Variants in DAPK1 observed in about 807,000 individuals in gnomAD.
The protein encoded by DAPK1 is death associated protein kinase 1.
A neutral mutation model predicts 144.9 loss-of-function variants in DAPK1; 56 were observed. That is an observed-to-expected ratio of 0.39 (90% CI 0.31 to 0.48). The LOEUF is 0.48. DAPK1 is among the 20% of genes least tolerant of loss of function. DAPK1 has a pLI of 0.95. For missense variants in DAPK1, 1,454 were observed against 1,875.4 expected, an observed-to-expected ratio of 0.78 and a Z score of 4.15; for synonymous variants, 690 against 749.0, an observed-to-expected ratio of 0.92 and a Z score of 1.29.
Position 87,515,393 on chromosome 9 carries a change from G to C in DAPK1, c.62+16254G>C, listed in dbSNP as rs561035006. Among the ~76,000 whole-genome samples the C allele has an allele frequency of 7.9e-5, 12 of 152,332 alleles. 1 individual carries two copies. The highest frequency in any genetic ancestry group is 2.9e-4 in the African/African-American group (12 of 41,576). ...TGATGAATAAACAAAGGCTTAAAGA[G>C]ATTAAATAATTTAATATGCTGAAAT... On this transcript the variant is annotated intron_variant, in intron 2 of 25. Transcript: ENST00000408954.
rs1049188707 is a variant in DAPK1, at chr9:87,497,957, G to A, written c.-259G>A. The A allele has an allele frequency of 2.5e-5, 10 of 396,852 alleles. No homozygotes were observed. The highest frequency in any genetic ancestry group is 4.4e-5 in the Non-Finnish European group (10 of 225,364). The allele number at this position is 396,852 out of a possible 1,614,324, so 24.6% of individuals were successfully genotyped here. A position where few individuals can be genotyped will look rare whatever the true frequency, so the allele number is the denominator to read the frequency against. On this transcript the variant is annotated 5_prime_UTR_variant, in exon 1 of 26. Transcript: ENST00000408954. ...GGGACTCGGCAACTCGCAGCGGCAGGGTCTGGGGCCGGCGCCTGGGAGGGA... is the reference window on the plus strand; with the variant it reads ...GGGACTCGGCAACTCGCAGCGGCAGAGTCTGGGGCCGGCGCCTGGGAGGGA...
chr9:87,606,524 TCCTTCCTTCCCCCCTC>T (rs1828721123), intron 3 of DAPK1, among the ~76,000 whole-genome samples: 1 of 97,600 alleles, frequency 1.0e-5, no homozygotes, highest in Admixed American at 1.0e-4. Context: ...CTTCCTTCCT[TCCTTCCTTCCCCCCTC>T]CCTCCCTCTC....
At position 87,703,031 on chromosome 9, in the gene DAPK1, C is replaced by T. The variant is rs779305769; in HGVS notation, c.2874C>T (p.Val958=). The change falls in exon 25 of 26, where the codon GTC becomes GTT. Residue 958 remains valine, a splice_region_variant and synonymous_variant. Transcript: ENST00000408954. ...CTGTCTGGCCCTGCCCCCTCTAGGT[C>T]TGTCCTCCCATGACTCACCTGTGTG... ...LQEIRSQIVS[V]CPPMTHLCEK... is the part of the protein sequence containing the mutation. 6.4e-7 allele frequency: 1 copy of T among 1,550,438 alleles called. No individual in the cohort carries two copies. Among genetic ancestry groups the T allele is most frequent in the South Asian group, 1.1e-5 (1 of 89,680 alleles).
intron 3 of DAPK1, among the ~76,000 whole-genome samples, chr9:87,605,955 C>A (rs576951001): frequency 6.6e-6 from 1 of 152,210 alleles, no homozygotes; most frequent in South Asian, 2.1e-4. Flanking sequence ...GGGATGGAGG[C>A]GAGATGTGAG....
In DAPK1 at chr9:87,497,930, A is replaced by T; in HGVS notation, c.-286A>T. ...GCCGGGGACTTTGTTCCCTCCGCGG[A>T]GGGGACTCGGCAACTCGCAGCGGCA... On this transcript the variant is annotated 5_prime_UTR_variant, in exon 1 of 26. Coordinates refer to ENST00000408954, the MANE Select transcript of DAPK1 (RefSeq NM_004938.4). The T allele has an allele frequency of 2.5e-6, 1 of 395,838 alleles. No individual in the cohort carries two copies. The highest frequency in any genetic ancestry group is 4.4e-6 in the Non-Finnish European group (1 of 224,818). The allele number at this position is 395,838 out of a possible 1,614,324, so 24.5% of individuals were successfully genotyped here.
chr9:87,619,799 C>A (rs11141914), intron 3 of DAPK1, among the ~76,000 whole-genome samples: 15,103 of 152,176 alleles, frequency 0.099, 996 homozygotes, highest in South Asian at 0.24. Flanking sequence ...CAGAGGTGGG[C>A]GGTTGAAAGT....
chr9:87,599,475 C>T (rs1484228119), intron 2 of DAPK1, among the ~76,000 whole-genome samples: 1 of 152,046 alleles, frequency 6.6e-6, no homozygotes, highest in Admixed American at 6.6e-5. Context: ...TCCTTTTCGC[C>T]GTGCGTTTCC....
At chr9:87,632,867 G>T (rs1275383986) in intron 3 of DAPK1, 20 of 963,220 alleles carry the variant, frequency 2.1e-5, no homozygotes, top group Non-Finnish European at 2.3e-5. Flanking sequence ...TAAAAATGAA[G>T]GAAGATGAGT....
chr9:87,650,173 G>A, intron 16 of DAPK1, 55 bp downstream of exon 16: 2 of 1,573,526 alleles, frequency 1.3e-6, no homozygotes, highest in South Asian at 1.1e-5. Context: ...GGGTCTAGAG[G>A]GACCACAAGA....
chr9:87,661,572 T>G (rs772335030), intron 18 of DAPK1, among the ~76,000 whole-genome samples: 1 of 152,194 alleles, frequency 6.6e-6, no homozygotes. Flanking sequence ...TCTCTGATGA[T>G]TGGTGATGTT....
intron 2 of DAPK1, among the ~76,000 whole-genome samples, chr9:87,557,908 T>TGGGTG (rs1826776202): frequency 6.6e-6 from 1 of 152,094 alleles, no homozygotes; most frequent in Non-Finnish European, 1.5e-5. Flanking sequence ...GACATTGCAC[T>TGGGTG]CCAGCCTGGG....
chr9:87,679,623 C>T (rs1483926540), intron 19 of DAPK1, among the ~76,000 whole-genome samples: 1 of 152,144 alleles, frequency 6.6e-6, no homozygotes, highest in Non-Finnish European at 1.5e-5. Context: ...TCCCCAAGAC[C>T]ATGGATCTGG....
chr9:87,632,434 A>G (rs1829729916), intron 3 of DAPK1: 9 of 983,418 alleles, frequency 9.2e-6, no homozygotes, highest in Non-Finnish European at 1.1e-5. Context: ...ATAAGTGTGT[A>G]TGTAAGGATG....
chr9:87,543,327 A>G (rs1045968763), intron 2 of DAPK1, among the ~76,000 whole-genome samples: 24 of 152,252 alleles, frequency 1.6e-4, no homozygotes, highest in Admixed American at 5.2e-4. Context: ...TAATGGGCCT[A>G]TGTCTGAGTT....
chr9:87,601,987 C>T (rs1828538870), intron 2 of DAPK1, among the ~76,000 whole-genome samples: 4 of 152,086 alleles, frequency 2.6e-5, no homozygotes, highest in Admixed American at 2.6e-4. Flanking sequence ...TGAAGATGAG[C>T]CTGGCAGCCC....
At chr9:87,579,238 A>G (rs558339900) in intron 2 of DAPK1, among the ~76,000 whole-genome samples, 1 of 152,184 alleles carries the variant, frequency 6.6e-6, no homozygotes, top group Non-Finnish European at 1.5e-5. Context: ...GCCTCTCACT[A>G]AAATAATCAG....
intron 2 of DAPK1, among the ~76,000 whole-genome samples, chr9:87,553,021 G>T (rs992351712): frequency 1.3e-5 from 2 of 151,062 alleles, no homozygotes; most frequent in Non-Finnish European, 2.9e-5. Context: ...AGCTGAAACT[G>T]TGTATCCATT....
chr9:87,523,138 C>T (rs1371966498), intron 2 of DAPK1, among the ~76,000 whole-genome samples: 1 of 152,092 alleles, frequency 6.6e-6, no homozygotes, highest in Admixed American at 6.5e-5. Context: ...CATTCAGTGG[C>T]GTTAAGTCCA....
intron 24 of DAPK1, among the ~76,000 whole-genome samples, chr9:87,700,599 A>C (rs1825423912): frequency 6.6e-6 from 1 of 152,142 alleles, no homozygotes. Flanking sequence ...CCAGGGCTCA[A>C]GCAATCTGTC....
Sources: allele counts gnomAD v4.1 joint callset (sites outside exome capture counted in the v4.1 genomes callset), GRCh38; gene constraint gnomAD v4.1.1; transcripts MANE v1.5; gene names NCBI Gene and HGNC (gene_info 2026-07-23, HGNC 2026-07-21).